SUGCT: variants seen among roughly 807,000 people sequenced by gnomAD.
SUGCT encodes the protein succinyl-CoA:glutarate CoA-transferase.
A neutral mutation model predicts 55.0 loss-of-function variants in SUGCT; 41 were observed. That is an observed-to-expected ratio of 0.74 (90% CI 0.58 to 0.97). The LOEUF is 0.97. SUGCT is among the 50% of genes least tolerant of loss of function. SUGCT has a pLI of 0.00. For missense variants in SUGCT, 568 were observed against 547.8 expected, an observed-to-expected ratio of 1.04 and a Z score of -0.37; for synonymous variants, 187 against 200.4, an observed-to-expected ratio of 0.93 and a Z score of 0.56.
At chr7:40,843,182 G>A (rs922396354) in intron 13 of SUGCT, among the ~76,000 whole-genome samples, 5 of 152,144 alleles carry the variant, frequency 3.3e-5, no homozygotes, top group Non-Finnish European at 7.4e-5. Context: ...CCAAAGGGGC[G>A]ATGGAAAGTA....
Position 40,855,591 on chromosome 7 carries a change from C to T in SUGCT, c.1154-4725C>T, listed in dbSNP as rs183537991. Among the ~76,000 whole-genome samples, 232 of 151,956 alleles carry T rather than the reference C, an allele frequency of 1.5e-3. 1 individual carries two copies. The highest frequency in any genetic ancestry group is 5.4e-3 in the African/African-American group (225 of 41,420). On this transcript the variant is annotated intron_variant, in intron 13 of 13. Coordinates refer to ENST00000335693, the MANE Select transcript of SUGCT (RefSeq NM_001193313.2). ...CTTTTAACATCTTTTATTTGGTTCTCATATTTCTAGTCATCCCTGGTTGAT... is the reference window on the plus strand; with the variant it reads ...CTTTTAACATCTTTTATTTGGTTCTTATATTTCTAGTCATCCCTGGTTGAT...
At chr7:40,257,680 A>G (rs1222647008) in intron 7 of SUGCT, among the ~76,000 whole-genome samples, 2 of 152,164 alleles carry the variant, frequency 1.3e-5, no homozygotes, top group Non-Finnish European at 2.9e-5. Context: ...GTTCAAGACC[A>G]GCCTGGCCAA....
At chr7:40,846,704 A>G (rs1793574376) in intron 13 of SUGCT, among the ~76,000 whole-genome samples, 2 of 152,220 alleles carry the variant, frequency 1.3e-5, no homozygotes, top group Admixed American at 1.3e-4. Flanking sequence ...CTGCTAAAGA[A>G]TGGTATTTAT....
intron 9 of SUGCT, among the ~76,000 whole-genome samples, chr7:40,353,082 A>G (rs1467373067): frequency 6.6e-6 from 1 of 152,130 alleles, no homozygotes; most frequent in African/African-American, 2.4e-5. Context: ...TCTTTTGAAA[A>G]GTGTCTGTGT....
the SUGCT span, among the ~76,000 whole-genome samples, chr7:40,989,142 G>A: frequency 6.6e-6 from 1 of 152,134 alleles, no homozygotes; most frequent in African/African-American, 2.4e-5. Flanking sequence ...TGAGGCTTCA[G>A]CACATTGTAA....
chr7:40,303,473 A>T (rs1483998030), intron 8 of SUGCT, among the ~76,000 whole-genome samples: 13 of 151,284 alleles, frequency 8.6e-5, no homozygotes, highest in Non-Finnish European at 8.8e-5. Context: ...AATGTCTCTC[A>T]GATTTGCCAT....
the SUGCT span, among the ~76,000 whole-genome samples, chr7:41,006,485 G>T: frequency 6.6e-6 from 1 of 152,138 alleles, no homozygotes; most frequent in Admixed American, 6.5e-5. Context: ...GTTGCCATCA[G>T]AAATAATGAA....
At chr7:40,237,575 T>C (rs1789095560) in intron 6 of SUGCT, 60 bp from the exon 7 acceptor site, 7 of 1,237,772 alleles carry the variant, frequency 5.7e-6, no homozygotes, top group Non-Finnish European at 8.4e-6. Context: ...CACACTATAT[T>C]GTACAGTGGT....
chr7:40,164,479 AT>A (rs962421861), intron 1 of SUGCT, among the ~76,000 whole-genome samples: 4 of 151,120 alleles, frequency 2.6e-5, no homozygotes, highest in African/African-American at 7.3e-5. Flanking sequence ...AAAGTTGAGG[AT>A]TTTTTTTTCT....
At chr7:41,021,952 T>C in the SUGCT span, among the ~76,000 whole-genome samples, 5 of 150,460 alleles carry the variant, frequency 3.3e-5, no homozygotes, top group South Asian at 1.1e-3. Context: ...TAAAGAAATA[T>C]GAAGAATAGT....
chr7:40,806,848 G>A (rs968093675), intron 13 of SUGCT, among the ~76,000 whole-genome samples: 4 of 152,212 alleles, frequency 2.6e-5, no homozygotes, highest in African/African-American at 9.6e-5. Context: ...CAGCTGCCCT[G>A]AGGATGAGGG....
chr7:40,477,176 TTATCA>T (rs1216464375), intron 11 of SUGCT, among the ~76,000 whole-genome samples: 1 of 152,208 alleles, frequency 6.6e-6, no homozygotes, highest in Non-Finnish European at 1.5e-5. Flanking sequence ...TTGGATTTTA[TTATCA>T]TATTATACAT....
intron 13 of SUGCT, among the ~76,000 whole-genome samples, chr7:40,797,806 G>A (rs1339827161): frequency 6.6e-6 from 1 of 152,168 alleles, no homozygotes; most frequent in African/African-American, 2.4e-5. Context: ...ACAGTATTAG[G>A]TACATACTCT....
intron 12 of SUGCT, among the ~76,000 whole-genome samples, chr7:40,725,814 G>T (rs1037571336): frequency 1.1e-4 from 16 of 151,978 alleles, no homozygotes; most frequent in African/African-American, 3.6e-4. Flanking sequence ...ATCGGATTTT[G>T]CCTATTTATC....
At chr7:40,924,939 A>G in the SUGCT span, among the ~76,000 whole-genome samples, 1 of 152,224 alleles carries the variant, frequency 6.6e-6, no homozygotes, top group Non-Finnish European at 1.5e-5. Flanking sequence ...TATCACAAAT[A>G]TCATGATGTA....
intron 12 of SUGCT, among the ~76,000 whole-genome samples, chr7:40,500,389 G>C (rs2151527948): frequency 6.6e-6 from 1 of 152,180 alleles, no homozygotes; most frequent in Non-Finnish European, 1.5e-5. Flanking sequence ...ATCACAGCTG[G>C]CCCTGATTTT....
the SUGCT span, among the ~76,000 whole-genome samples, chr7:40,940,742 C>A: frequency 1.3e-5 from 2 of 152,064 alleles, no homozygotes; most frequent in Non-Finnish European, 2.9e-5. Context: ...TAACCTGAGA[C>A]TTTATTGAAT....
At chr7:40,704,970 TTCTGACTCCTCATTTG>T (rs1321843005) in intron 12 of SUGCT, among the ~76,000 whole-genome samples, 4 of 152,224 alleles carry the variant, frequency 2.6e-5, no homozygotes, top group Non-Finnish European at 5.9e-5. Context: ...ATATTAAGAC[TTCTGACTCCTCATTTG>T]TCAGATATGC....
At chr7:40,774,243 T>C (rs908048704) in intron 13 of SUGCT, among the ~76,000 whole-genome samples, 2 of 152,190 alleles carry the variant, frequency 1.3e-5, no homozygotes, top group African/African-American at 4.8e-5. Flanking sequence ...GGAAATTCTA[T>C]TAAATAGATT....
Sources: gnomAD v4.1 joint callset for allele counts (sites outside exome capture counted in the v4.1 genomes callset) on GRCh38, gnomAD v4.1.1 for gene constraint, MANE v1.5 for transcripts, NCBI Gene and HGNC (gene_info 2026-07-23, HGNC 2026-07-21) for gene names.